DAB1: variants seen among roughly 807,000 people sequenced by gnomAD.
DAB1 encodes DAB adaptor protein 1, also known as disabled homolog 1.
Under a neutral mutation model 64.6 loss-of-function variants are expected in DAB1, and 15 were observed. That is an observed-to-expected ratio of 0.23 (90% confidence interval 0.16 to 0.36). The LOEUF is 0.36. Ranked by LOEUF, DAB1 falls within the 10% of genes least tolerant of loss-of-function variation. DAB1 has a pLI of 1.00. For missense variants in DAB1, 596 were observed against 706.7 expected (o/e 0.84, Z 1.78); for synonymous variants, 235 against 251.9 (o/e 0.93, Z 0.64).
chr1:58,479,390 T>C (rs891299097), intron 3 of DAB1, among the ~76,000 whole-genome samples: 5 of 152,202 alleles, frequency 3.3e-5, no homozygotes, highest in Admixed American at 2.0e-4. Flanking sequence ...AAGTAATGTA[T>C]AATAATCCCT....
At chr1:57,512,231 C>G (rs1644413974) in intron 7 of DAB1, among the ~76,000 whole-genome samples, 1 of 152,122 alleles carries the variant, frequency 6.6e-6, no homozygotes, top group Admixed American at 6.5e-5. Flanking sequence ...TCTGTCTCAC[C>G]CAACTTTCTT....
chr1:57,861,278 G>C (rs1221663330), intron 1 of DAB1, among the ~76,000 whole-genome samples: 1 of 152,144 alleles, frequency 6.6e-6, no homozygotes, highest in Non-Finnish European at 1.5e-5. Flanking sequence ...AAACTGGATG[G>C]CTTACATACA....
Position 57,749,452 on chromosome 1 carries a change from A to AT in DAB1, n.552-99788dup, listed in dbSNP as rs747697782. Among the ~76,000 whole-genome samples the AT allele has an allele frequency of 2.0e-5, 3 of 152,344 alleles. No individual in the cohort carries two copies. In the South Asian group the frequency reaches 6.2e-4, roughly 32 times the overall value. On this transcript the variant is annotated intron_variant and non_coding_transcript_variant, in intron 6 of 20. Coordinates refer to the DAB1 transcript ENST00000485760. ...ATTCATGGTATTTCATAAAAGACAT[A>AT]TCTAGATTTCCAGGTTCTTTTGAAG...
chr1:58,022,738 T>A (rs1646832004), intron 5 of DAB1, among the ~76,000 whole-genome samples: 1 of 152,192 alleles, frequency 6.6e-6, no homozygotes, highest in Non-Finnish European at 1.5e-5. Flanking sequence ...CTACGTAATA[T>A]AATTTGGCAC....
chr1:57,475,196 G>A (rs994833919), intron 7 of DAB1, among the ~76,000 whole-genome samples: 6 of 152,198 alleles, frequency 3.9e-5, no homozygotes, highest in Non-Finnish European at 5.9e-5. Context: ...AGAATCGCTT[G>A]AACCCAGGAG....
chr1:58,099,182 C>T (rs1651166754), intron 5 of DAB1, among the ~76,000 whole-genome samples: 1 of 152,166 alleles, frequency 6.6e-6, no homozygotes. Flanking sequence ...GCTCTTTTCC[C>T]TGGTCACGAA....
intron 4 of DAB1, among the ~76,000 whole-genome samples, chr1:58,292,722 G>A (rs1661875486): frequency 6.6e-6 from 1 of 152,122 alleles, no homozygotes. Flanking sequence ...AGTTGATTGG[G>A]TACTCAGACC....
chr1:58,375,288 G>T (rs1644312624), intron 3 of DAB1, among the ~76,000 whole-genome samples: 2 of 144,260 alleles, frequency 1.4e-5, no homozygotes. Flanking sequence ...TCCAGTTTTT[G>T]CCCATTCAGT....
chr1:57,954,276 A>G (rs1361672682), intron 5 of DAB1, among the ~76,000 whole-genome samples: 1 of 152,192 alleles, frequency 6.6e-6, no homozygotes, highest in African/African-American at 2.4e-5. Flanking sequence ...TCCAAAGCAT[A>G]CAGAAGCACC....
At chr1:57,752,528 T>C (rs1026739572) in intron 6 of DAB1, among the ~76,000 whole-genome samples, 1 of 152,200 alleles carries the variant, frequency 6.6e-6, no homozygotes, top group Non-Finnish European at 1.5e-5. Context: ...TAAAACAAAA[T>C]AAGCTTTCTA....
chr1:57,131,524 A>G (rs1657650808), intron 4 of DAB1, among the ~76,000 whole-genome samples: 1 of 152,184 alleles, frequency 6.6e-6, no homozygotes, highest in Non-Finnish European at 1.5e-5. Context: ...GACGTTCTGC[A>G]GCCTCCTCAG....
intron 2 of DAB1, among the ~76,000 whole-genome samples, chr1:57,200,981 A>G (rs186341039): frequency 1.4e-4 from 22 of 152,326 alleles, no homozygotes; most frequent in Admixed American, 7.2e-4. Flanking sequence ...TGTTGAAGGA[A>G]TAAATGCAGA....
intron 3 of DAB1, among the ~76,000 whole-genome samples, chr1:58,449,508 A>C (rs1249368693): frequency 1.3e-5 from 2 of 152,112 alleles, no homozygotes; most frequent in Admixed American, 1.3e-4. Context: ...ACCAAATGTA[A>C]ATTTTCTAAA....
chr1:57,446,963 G>C (rs1258121286), intron 7 of DAB1, among the ~76,000 whole-genome samples: 1 of 152,058 alleles, frequency 6.6e-6, no homozygotes, highest in Non-Finnish European at 1.5e-5. Flanking sequence ...ACTAGTTCTG[G>C]TTTTATTCAT....
At chr1:57,905,781 A>G (rs894352232) in intron 5 of DAB1, among the ~76,000 whole-genome samples, 1 of 152,170 alleles carries the variant, frequency 6.6e-6, no homozygotes. Context: ...CCAGCAAAAG[A>G]CATGAAAAGA....
intron 7 of DAB1, among the ~76,000 whole-genome samples, chr1:57,458,011 T>A (rs1053526433): frequency 6.6e-6 from 1 of 152,130 alleles, no homozygotes; most frequent in East Asian, 1.9e-4. Context: ...AACAACAGAC[T>A]CACATCTATG....
At chr1:57,309,427 A>C (rs1309104531) in intron 1 of DAB1, among the ~76,000 whole-genome samples, 1 of 152,222 alleles carries the variant, frequency 6.6e-6, no homozygotes, top group African/African-American at 2.4e-5. Context: ...GTTTTTAAAC[A>C]TTTCAAAAAG....
chr1:58,196,897 A>G (rs1570472254), intron 4 of DAB1, among the ~76,000 whole-genome samples: 1 of 152,162 alleles, frequency 6.6e-6, no homozygotes, highest in East Asian at 1.9e-4. Context: ...ATGGCAAAGA[A>G]CATTCCTTTT....
chr1:58,524,479 A>T (rs1335471812), intron 2 of DAB1, among the ~76,000 whole-genome samples: 2 of 152,220 alleles, frequency 1.3e-5, no homozygotes, highest in African/African-American at 4.8e-5. Context: ...GAGTCTATAG[A>T]TAGGCCTTTC....
Sources: gnomAD v4.1 joint callset for allele counts (sites outside exome capture counted in the v4.1 genomes callset) on GRCh38, gnomAD v4.1.1 for gene constraint, MANE v1.5 for transcripts, NCBI Gene and HGNC (gene_info 2026-07-23, HGNC 2026-07-21) for gene names.